ANTXR1: variants seen among roughly 807,000 people sequenced by gnomAD.
ANTXR1 encodes ANTXR cell adhesion molecule 1, also known as anthrax toxin receptor 1.
Under a neutral mutation model 78.1 loss-of-function variants are expected in ANTXR1, and 19 were observed. The ratio of observed to expected loss-of-function variants is 0.24; its 90% CI spans 0.17 to 0.36. ANTXR1 has a LOEUF of 0.36. ANTXR1 is among the 10% of genes least tolerant of loss of function. The pLI, the probability that ANTXR1 is intolerant of heterozygous loss-of-function variation, is 1.00. For missense variants in ANTXR1, 518 were observed against 718.6 expected (o/e 0.72, Z 3.19); for synonymous variants, 273 against 260.5 (o/e 1.05, Z -0.46).
At position 69,245,628 on chromosome 2, in the gene ANTXR1, C is replaced by A; in HGVS notation, c.*143C>A. The A allele has an allele frequency of 9.0e-7, 1 of 1,110,302 alleles. No homozygotes were observed. The highest frequency in any genetic ancestry group is 1.3e-6 in the Non-Finnish European group (1 of 775,396). The allele number at this position is 1,110,302 out of a possible 1,614,324, so 68.8% of individuals were successfully genotyped here. Reference sequence around the variant, plus strand: ...TTGGTTGGCAATGCCAGTATACCAACAATCATGATCAGCTGAAAGAAACAG... The same window carrying A: ...TTGGTTGGCAATGCCAGTATACCAAAAATCATGATCAGCTGAAAGAAACAG... On this transcript the variant is annotated 3_prime_UTR_variant, in exon 18 of 18. Transcript: ENST00000303714.
chr2:69,235,072 G>A (rs1027176353), intron 17 of ANTXR1, among the ~76,000 whole-genome samples: 15 of 134,480 alleles, frequency 1.1e-4, no homozygotes, highest in South Asian at 2.3e-4. Flanking sequence ...TGCCCAGGCT[G>A]GAGTGCAATG....
At chr2:69,163,855 C>G (rs1358628168) in intron 13 of ANTXR1, among the ~76,000 whole-genome samples, 3 of 152,202 alleles carry the variant, frequency 2.0e-5, no homozygotes, top group African/African-American at 7.2e-5. Flanking sequence ...TGTCACCTCA[C>G]ACTTTTAAAT....
At chr2:69,058,824 T>C (rs115956530) in intron 3 of ANTXR1, among the ~76,000 whole-genome samples, 8,583 of 152,270 alleles carry the variant, frequency 0.056, 761 homozygotes, top group African/African-American at 0.19. Flanking sequence ...TTAAGAACAT[T>C]TGTGATTCAT....
At chr2:69,155,749 A>C (rs1029714900) in intron 13 of ANTXR1, among the ~76,000 whole-genome samples, 2 of 152,140 alleles carry the variant, frequency 1.3e-5, no homozygotes, top group Non-Finnish European at 2.9e-5. Context: ...CCCTCACCCC[A>C]GCCAAGAGCC....
At chr2:69,028,848 G>A (rs1024509870) in intron 1 of ANTXR1, among the ~76,000 whole-genome samples, 1 of 152,114 alleles carries the variant, frequency 6.6e-6, no homozygotes, top group African/African-American at 2.4e-5. Flanking sequence ...TTGCAAAAAA[G>A]TAGATTCAGT....
At chr2:69,118,591 T>C (rs1672232231) in intron 10 of ANTXR1, among the ~76,000 whole-genome samples, 2 of 152,142 alleles carry the variant, frequency 1.3e-5, no homozygotes, top group South Asian at 4.1e-4. Flanking sequence ...CCGGTGCTAG[T>C]GAGCAGCGAA....
chr2:69,233,951 C>G (rs1484843521), intron 17 of ANTXR1, among the ~76,000 whole-genome samples: 2 of 151,708 alleles, frequency 1.3e-5, no homozygotes. Flanking sequence ...TAAAATAAAT[C>G]TAGGAATAAA....
chr2:69,233,033 T>C (rs1415256486), intron 17 of ANTXR1, among the ~76,000 whole-genome samples: 1 of 152,124 alleles, frequency 6.6e-6, no homozygotes, highest in Non-Finnish European at 1.5e-5. Flanking sequence ...TGAATTATTT[T>C]CTAAGAAAGG....
chr2:69,014,963 C>A (rs1458982405), intron 1 of ANTXR1, among the ~76,000 whole-genome samples: 2 of 151,952 alleles, frequency 1.3e-5, no homozygotes, highest in African/African-American at 4.8e-5. Context: ...CTTCTAGTGG[C>A]TGGAAGCATC....
intron 3 of ANTXR1, among the ~76,000 whole-genome samples, chr2:69,066,655 T>G (rs1388086931): frequency 6.6e-6 from 1 of 152,108 alleles, no homozygotes; most frequent in East Asian, 1.9e-4. Flanking sequence ...ACCAGCAGAG[T>G]GCTGGGTGCA....
At chr2:69,028,127 G>C (rs973601886) in intron 1 of ANTXR1, among the ~76,000 whole-genome samples, 1 of 151,968 alleles carries the variant, frequency 6.6e-6, no homozygotes, top group African/African-American at 2.4e-5. Context: ...CTATTCAAAG[G>C]ACCAAATAAC....
At chr2:69,191,248 AG>A (rs1019702281) in intron 16 of ANTXR1, among the ~76,000 whole-genome samples, 1 of 152,228 alleles carries the variant, frequency 6.6e-6, no homozygotes, top group African/African-American at 2.4e-5. Flanking sequence ...GGCAAGACAA[AG>A]TTTAACCCAC....
chr2:69,051,966 G>A (rs1222876332), intron 3 of ANTXR1, among the ~76,000 whole-genome samples: 3 of 151,402 alleles, frequency 2.0e-5, no homozygotes, highest in East Asian at 1.9e-4. Flanking sequence ...TTTTACTTTC[G>A]TTGATATTTT....
At chr2:69,037,847 G>C (rs1669489295) in intron 1 of ANTXR1, among the ~76,000 whole-genome samples, 1 of 152,100 alleles carries the variant, frequency 6.6e-6, no homozygotes, top group Non-Finnish European at 1.5e-5. Flanking sequence ...TATAAAGGCT[G>C]AGTAAGCAGA....
chr2:69,023,276 A>G (rs1167586291), intron 1 of ANTXR1, among the ~76,000 whole-genome samples: 1 of 152,168 alleles, frequency 6.6e-6, no homozygotes, highest in Non-Finnish European at 1.5e-5. Flanking sequence ...GGTGATGGTT[A>G]TGGTGGTGGA....
chr2:69,066,359 T>C (rs113789844), intron 3 of ANTXR1, among the ~76,000 whole-genome samples: 2,099 of 152,240 alleles, frequency 0.014, 47 homozygotes, highest in African/African-American at 0.047. Context: ...TGCAATGGCA[T>C]GATCTTGGCT....
intron 3 of ANTXR1, among the ~76,000 whole-genome samples, chr2:69,068,973 G>T (rs1192871096): frequency 6.6e-6 from 1 of 152,204 alleles, no homozygotes; most frequent in African/African-American, 2.4e-5. Flanking sequence ...TCCAGTTTCT[G>T]ACTTGGGCGG....
In ANTXR1 at chr2:69,204,342, G is replaced by A. The variant is rs576457463; in HGVS notation, c.1434+10927G>A. 8.5e-5 allele frequency among the ~76,000 whole-genome samples: 13 copies of A among 152,186 alleles called. No homozygotes were observed. In the South Asian group the frequency reaches 1.0e-3, roughly 12 times the overall value. On this transcript the variant is annotated intron_variant, in intron 17 of 17. Coordinates refer to ENST00000303714, the MANE Select transcript of ANTXR1 (RefSeq NM_032208.3). ...AAAACATCCACACACACCCATCTTC[G>A]TTCAGCATCTCCATGACCACCCCAA...
At chr2:69,130,388 C>T (rs1034051250) in intron 12 of ANTXR1, among the ~76,000 whole-genome samples, 5 of 152,202 alleles carry the variant, frequency 3.3e-5, no homozygotes, top group Non-Finnish European at 7.3e-5. Context: ...GGATCCATGT[C>T]ATATCACTGT....
Sources: gnomAD v4.1 joint callset for allele counts (sites outside exome capture counted in the v4.1 genomes callset) on GRCh38, gnomAD v4.1.1 for gene constraint, MANE v1.5 for transcripts, NCBI Gene and HGNC (gene_info 2026-07-23, HGNC 2026-07-21) for gene names.